CDC42SE2: variants seen among roughly 807,000 people sequenced by gnomAD.
CDC42SE2 encodes CDC42 small effector 2.
Under a neutral mutation model 11.5 loss-of-function variants are expected in CDC42SE2, and 3 were observed. That is an observed-to-expected ratio of 0.26 (90% CI 0.12 to 0.67). The LOEUF (loss-of-function observed/expected upper bound fraction) is 0.67, where lower values mean the gene tolerates loss of function less well. CDC42SE2 is among the 30% of genes least tolerant of loss of function. CDC42SE2 has a pLI of 0.80. For missense variants in CDC42SE2, 82 were observed against 106.8 expected, an observed-to-expected ratio of 0.77 and a Z score of 1.02; for synonymous variants, 33 against 34.8, an observed-to-expected ratio of 0.95 and a Z score of 0.18.
At chr5:131,338,635 C>G (rs937635486) in intron 2 of CDC42SE2, among the ~76,000 whole-genome samples, 2 of 152,148 alleles carry the variant, frequency 1.3e-5, no homozygotes, top group Non-Finnish European at 2.9e-5. Flanking sequence ...TGAGAAAATA[C>G]TACCATAAGC....
intron 2 of CDC42SE2, among the ~76,000 whole-genome samples, chr5:131,358,216 C>G (rs1749608619): frequency 6.6e-6 from 1 of 152,148 alleles, no homozygotes; most frequent in Admixed American, 6.6e-5. Flanking sequence ...TATTGGACAT[C>G]TTAACTTGAC....
the CDC42SE2 span, among the ~76,000 whole-genome samples, chr5:131,217,715 T>TG: frequency 2.0e-5 from 3 of 152,152 alleles, no homozygotes; most frequent in African/African-American, 7.2e-5. Flanking sequence ...GGGAAAAAAT[T>TG]GATCAGTTGA....
At chr5:131,285,277 TC>T (rs890786721) in intron 1 of CDC42SE2, among the ~76,000 whole-genome samples, 2 of 151,280 alleles carry the variant, frequency 1.3e-5, no homozygotes, top group Non-Finnish European at 3.0e-5. Context: ...ACCCTGTTGC[TC>T]CCCCCGCCCC....
chr5:131,262,409 T>G (rs1442855342), upstream of CDC42SE2, among the ~76,000 whole-genome samples: 1 of 112,826 alleles, frequency 8.9e-6, no homozygotes, highest in Non-Finnish European at 1.6e-5. Flanking sequence ...AGAGAAAATT[T>G]AAAATAAAAA....
At chr5:131,321,673 A>G (rs1758190388) in intron 2 of CDC42SE2, among the ~76,000 whole-genome samples, 1 of 152,146 alleles carries the variant, frequency 6.6e-6, no homozygotes, top group South Asian at 2.1e-4. Context: ...TTGAGGGAAG[A>G]CAACTGGGTG....
At chr5:131,231,843 G>T in the CDC42SE2 span, among the ~76,000 whole-genome samples, 2 of 151,430 alleles carry the variant, frequency 1.3e-5, no homozygotes, top group Admixed American at 6.6e-5. Context: ...CCAGGCTGGA[G>T]TGTGGTGGCA....
chr5:131,311,203 G>A (rs1374649680), intron 1 of CDC42SE2, among the ~76,000 whole-genome samples: 34 of 151,460 alleles, frequency 2.2e-4, no homozygotes, highest in Admixed American at 2.2e-3. Flanking sequence ...CACTTATGAA[G>A]CTTAGTTTGG....
the CDC42SE2 span, among the ~76,000 whole-genome samples, chr5:131,235,095 T>C: frequency 6.6e-6 from 1 of 151,908 alleles, no homozygotes; most frequent in African/African-American, 2.4e-5. Context: ...TTCACCTTGT[T>C]GGCCATGCTG....
In CDC42SE2 at chr5:131,377,952, C is replaced by G. The variant is rs145643789; in HGVS notation, c.55-7591C>G. Among the ~76,000 whole-genome samples, 37 of 152,258 alleles carry G rather than the reference C, an allele frequency of 2.4e-4. 1 individual carries two copies. The East Asian group carries it at 6.7e-3, about 28-fold the overall frequency. On this transcript the variant is annotated intron_variant, in intron 3 of 4. Coordinates refer to ENST00000505065, the MANE Select transcript of CDC42SE2 (RefSeq NM_001375635.1). ...AGCTGACATTGTTTCTTTAAAAAAG[C>G]CTTTTATTCATTCAACAGTCATTTA...
chr5:131,350,607 TTG>T (rs753402237), intron 2 of CDC42SE2, among the ~76,000 whole-genome samples: 4,511 of 141,556 alleles, frequency 0.032, 78 homozygotes, highest in South Asian at 0.074. Context: ...AAAATTTATT[TTG>T]TGTGTGTGTG....
the CDC42SE2 span, among the ~76,000 whole-genome samples, chr5:131,216,907 T>C: frequency 1.3e-5 from 2 of 152,204 alleles, no homozygotes; most frequent in African/African-American, 4.8e-5. Flanking sequence ...GAAGTTGATA[T>C]TGATTCACTC....
At chr5:131,223,565 T>A in the CDC42SE2 span, among the ~76,000 whole-genome samples, 4 of 152,182 alleles carry the variant, frequency 2.6e-5, no homozygotes, top group African/African-American at 9.7e-5. Flanking sequence ...CCTATTTCAG[T>A]TCTGTTTATT....
At chr5:131,335,700 T>C (rs1385582253) in intron 2 of CDC42SE2, among the ~76,000 whole-genome samples, 2 of 152,376 alleles carry the variant, frequency 1.3e-5, no homozygotes, top group Non-Finnish European at 1.5e-5. Flanking sequence ...TCTTGTTGAA[T>C]TGATCCCTTT....
intron 2 of CDC42SE2, among the ~76,000 whole-genome samples, chr5:131,338,029 C>G (rs980821688): frequency 6.6e-6 from 1 of 152,246 alleles, no homozygotes; most frequent in Non-Finnish European, 1.5e-5. Context: ...GCAGAAATCA[C>G]CCATCTTCTG....
intron 2 of CDC42SE2, among the ~76,000 whole-genome samples, chr5:131,353,223 A>G (rs1007062164): frequency 1.1e-4 from 16 of 151,878 alleles, no homozygotes; most frequent in African/African-American, 3.9e-4. Context: ...GTGCCTCAGC[A>G]TCCCAGAATG....
intron 1 of CDC42SE2, among the ~76,000 whole-genome samples, chr5:131,295,705 CAG>C (rs1231615733): frequency 1.4e-5 from 2 of 146,364 alleles, no homozygotes; most frequent in African/African-American, 5.0e-5. Flanking sequence ...TTTTTTGAGA[CAG>C]AGTCTTGCTC....
chr5:131,295,639 G>T (rs1222338612), intron 1 of CDC42SE2, among the ~76,000 whole-genome samples: 2 of 151,904 alleles, frequency 1.3e-5, no homozygotes, highest in African/African-American at 4.8e-5. Flanking sequence ...TCTCTCTGGA[G>T]CGGGGAACAG....
the CDC42SE2 span, among the ~76,000 whole-genome samples, chr5:131,220,447 C>T: frequency 4.6e-5 from 7 of 152,026 alleles, no homozygotes; most frequent in African/African-American, 7.2e-5. Flanking sequence ...CCTCGTGATC[C>T]GCCCACCTCA....
At chr5:131,300,430 G>A (rs1469393461) in intron 1 of CDC42SE2, among the ~76,000 whole-genome samples, 1 of 152,214 alleles carries the variant, frequency 6.6e-6, no homozygotes, top group South Asian at 2.1e-4. Flanking sequence ...TTATAAATTA[G>A]GGTGACCATA....
Sources: allele counts gnomAD v4.1 joint callset (sites outside exome capture counted in the v4.1 genomes callset), GRCh38; gene constraint gnomAD v4.1.1; transcripts MANE v1.5; gene names NCBI Gene and HGNC (gene_info 2026-07-23, HGNC 2026-07-21).